Variants in EDA observed in about 807,000 individuals in gnomAD.
EDA encodes the protein ectodysplasin A.
A neutral mutation model predicts 23.6 loss-of-function variants in EDA; 2 were observed. The ratio of observed to expected loss-of-function variants is 0.08; its 90% CI spans 0.03 to 0.27. The LOEUF (loss-of-function observed/expected upper bound fraction) is 0.27. Among genes scored for constraint, EDA ranks in the 10% least tolerant of loss-of-function variants. The pLI is 1.00. For synonymous variants in EDA, 131 were observed against 132.0 expected, an observed-to-expected ratio of 0.99 and a Z score of 0.05; for missense variants, 229 against 324.2, an observed-to-expected ratio of 0.71 and a Z score of 2.26.
intron 7 of EDA, among the ~76,000 whole-genome samples, chrX:70,034,145 CA>C (rs1286913296): frequency 2.7e-5 from 3 of 111,408 alleles, no homozygotes; most frequent in African/African-American, 9.8e-5. Context: ...CACCAGTGTC[CA>C]TCTACTTCCG....
chrX:69,671,248 A>T (rs1324451544), intron 1 of EDA, among the ~76,000 whole-genome samples: 1 of 111,599 alleles, frequency 9.0e-6, no homozygotes, highest in Non-Finnish European at 1.9e-5. Context: ...TGTTGCAGTG[A>T]TGGTGGCTTC....
At chrX:69,875,792 A>C (rs1434061768) in intron 1 of EDA, among the ~76,000 whole-genome samples, 2 of 111,218 alleles carry the variant, frequency 1.8e-5, no homozygotes, top group Non-Finnish European at 3.8e-5. Flanking sequence ...TCAGCCCCCC[A>C]AAAAACCAAA....
rs191510500 is a variant in EDA at position 69,918,547 on chromosome X, G to A, written c.397-38480G>A. 5.7e-3 allele frequency among the ~76,000 whole-genome samples: 640 copies of A among 112,186 alleles called. 5 individuals are homozygous for A. Among genetic ancestry groups the A allele is most frequent in the Non-Finnish European group, 8.9e-3 (475 of 53,242 alleles). On this transcript the variant is annotated intron_variant, in intron 1 of 7. Transcript: ENST00000374552. ...GAAATCATCTGCCTTACTATGAAGT[G>A]ACAGTTCTCTAAGAAATGTGTTACC...
intron 1 of EDA, among the ~76,000 whole-genome samples, chrX:69,686,953 G>T (rs1285919063): frequency 9.0e-6 from 1 of 111,687 alleles, no homozygotes; most frequent in African/African-American, 3.3e-5. Context: ...AAGTGGAATT[G>T]CTGGGTCATA....
chrX:69,677,021 T>C (rs1253298343), intron 1 of EDA, among the ~76,000 whole-genome samples: 1 of 86,767 alleles, frequency 1.2e-5, no homozygotes, highest in African/African-American at 4.3e-5. Context: ...ATGTTCCCCT[T>C]CCTGTGTCCA....
intron 1 of EDA, among the ~76,000 whole-genome samples, chrX:69,684,142 T>A (rs769296919): frequency 2.8e-4 from 32 of 112,383 alleles, no homozygotes; most frequent in Admixed American, 1.8e-3. Context: ...TCTGAGATAC[T>A]CGCTTATAAT....
chrX:69,736,249 G>A (rs1316750954), intron 1 of EDA, among the ~76,000 whole-genome samples: 1 of 111,016 alleles, frequency 9.0e-6, no homozygotes, highest in African/African-American at 3.3e-5. Context: ...AGGTTGCAGT[G>A]AGCCGAGATT....
At chrX:69,750,167 TC>T (rs753528918) in intron 1 of EDA, among the ~76,000 whole-genome samples, 6 of 35,439 alleles carry the variant, frequency 1.7e-4, no homozygotes, top group African/African-American at 7.1e-4. Flanking sequence ...TCCCTCCCCC[TC>T]CCCCTCCCCC....
At chrX:69,621,127 T>G (rs981287382) in intron 1 of EDA, among the ~76,000 whole-genome samples, 4 of 112,140 alleles carry the variant, frequency 3.6e-5, no homozygotes, top group African/African-American at 1.3e-4. Flanking sequence ...TTAGGTCTCA[T>G]GTCTTTCTTT....
chrX:69,617,632 A>G, intron 1 of EDA: 2 of 277,023 alleles, frequency 7.2e-6, no homozygotes, highest in Admixed American at 4.8e-5. Flanking sequence ...CGTTCACTTA[A>G]CGTAAATACT....
chrX:69,717,872 T>C (rs1048537850), intron 1 of EDA, among the ~76,000 whole-genome samples: 2 of 111,528 alleles, frequency 1.8e-5, no homozygotes, highest in African/African-American at 6.5e-5. Flanking sequence ...TGGTAGGAAG[T>C]GATTGGATCC....
chrX:69,873,115 A>G (rs758851692), intron 1 of EDA, among the ~76,000 whole-genome samples: 1 of 112,008 alleles, frequency 8.9e-6, no homozygotes, highest in Non-Finnish European at 1.9e-5. Flanking sequence ...ATGCAAATAC[A>G]TGGAAATTAA....
At chrX:69,652,649 G>A (rs935295084) in intron 1 of EDA, among the ~76,000 whole-genome samples, 7 of 111,598 alleles carry the variant, frequency 6.3e-5, no homozygotes, top group Non-Finnish European at 1.1e-4. Context: ...TGTGGCCTCC[G>A]TGGAAGTGGT....
rs548121889 is a variant in EDA at position 69,863,261 on chromosome X, A to G, written c.397-93766A>G. ...TATTTGAGACTCCCCTAAACAAATA[A>G]TCACCTTGCCTTCAATGACCCTACC... On this transcript the variant is annotated intron_variant, in intron 1 of 7. Transcript: ENST00000374552. Among the ~76,000 whole-genome samples the G allele has an allele frequency of 8.2e-5, 9 of 109,131 alleles. 1 individual carries two copies. The South Asian group carries it at 3.6e-3, about 43-fold the overall frequency. The allele number at this position is 109,131 out of a possible 115,157, so 94.8% of individuals were successfully genotyped here.
At chrX:69,652,763 A>G (rs1375063470) in intron 1 of EDA, among the ~76,000 whole-genome samples, 1 of 112,142 alleles carries the variant, frequency 8.9e-6, no homozygotes, top group Non-Finnish European at 1.9e-5. Context: ...ATAGTGCTTA[A>G]AATGTGTATG....
intron 1 of EDA, among the ~76,000 whole-genome samples, chrX:69,621,122 T>C (rs1281717313): frequency 8.9e-6 from 1 of 112,047 alleles, no homozygotes; most frequent in Admixed American, 9.5e-5. Flanking sequence ...TGCTTTTAGG[T>C]CTCATGTCTT....
intron 1 of EDA, among the ~76,000 whole-genome samples, chrX:69,929,709 TGTG>T (rs2018571970): frequency 2.4e-3 from 74 of 31,041 alleles, no homozygotes; most frequent in African/African-American, 0.013. Context: ...TCTATTTTTG[TGTG>T]TGTGTGTGTG....
intron 1 of EDA, among the ~76,000 whole-genome samples, chrX:69,813,146 T>C (rs1424943951): frequency 3.6e-5 from 4 of 111,562 alleles, no homozygotes; most frequent in Non-Finnish European, 5.6e-5. Context: ...GCTACTACCA[T>C]TGCAAACCTT....
intron 1 of EDA, among the ~76,000 whole-genome samples, chrX:69,709,844 C>CT (rs762963725): frequency 0.03 from 3,231 of 107,329 alleles, 120 homozygotes; most frequent in African/African-American, 0.1. Flanking sequence ...ATTGTAGATT[C>CT]TTTTTTTTTT....
Sources: gnomAD v4.1 joint callset for allele counts (sites outside exome capture counted in the v4.1 genomes callset) on GRCh38, gnomAD v4.1.1 for gene constraint, MANE v1.5 for transcripts, NCBI Gene and HGNC (gene_info 2026-07-23, HGNC 2026-07-21) for gene names.